Variants in GRIA1 observed in about 807,000 individuals in gnomAD.
The protein encoded by GRIA1 is glutamate receptor 1.
In GRIA1, 31 loss-of-function variants were observed where a neutral mutation model predicts 99.2. The observed-to-expected ratio is 0.31, with a 90% CI of 0.23 to 0.42. GRIA1 has a LOEUF of 0.42. GRIA1 is among the 10% of genes least tolerant of loss of function. The pLI, the probability that GRIA1 is intolerant of heterozygous loss-of-function variation, is 1.00. For synonymous variants in GRIA1, 438 were observed against 432.4 expected, an observed-to-expected ratio of 1.01 and a Z score of -0.16; for missense variants, 782 against 1,157.5, an observed-to-expected ratio of 0.68 and a Z score of 4.71.
intron 15 of GRIA1, among the ~76,000 whole-genome samples, chr5:153,804,083 C>A (rs1298195954): frequency 6.6e-6 from 1 of 152,106 alleles, no homozygotes; most frequent in African/African-American, 2.4e-5. Flanking sequence ...TTTTTATGGG[C>A]CGATCCCTCA....
At chr5:153,690,154 ATCC>A (rs1757642392) in intron 8 of GRIA1, among the ~76,000 whole-genome samples, 1 of 152,076 alleles carries the variant, frequency 6.6e-6, no homozygotes, top group South Asian at 2.1e-4. Context: ...ACCTTCTTGA[ATCC>A]TCCTCTCCAA....
intron 13 of GRIA1, among the ~76,000 whole-genome samples, chr5:153,789,318 C>CATATATATATATATATAT (rs70978507): frequency 4.7e-5 from 7 of 147,484 alleles, no homozygotes; most frequent in African/African-American, 1.5e-4. Context: ...TTTGATATTA[C>CATATATATATATATATAT]ATATATATAT....
chr5:153,515,741 G>T (rs1032152471), intron 2 of GRIA1, among the ~76,000 whole-genome samples: 3 of 152,120 alleles, frequency 2.0e-5, no homozygotes, highest in Non-Finnish European at 4.4e-5. Context: ...GATATTATTT[G>T]TCAATTAAAA....
chr5:153,496,031 C>T (rs1561584629), intron 2 of GRIA1, among the ~76,000 whole-genome samples: 1 of 152,204 alleles, frequency 6.6e-6, no homozygotes, highest in East Asian at 1.9e-4. Flanking sequence ...GAAATATCTA[C>T]AGCAGGTTTT....
At chr5:153,712,951 C>G (rs1277114841) in intron 11 of GRIA1, among the ~76,000 whole-genome samples, 3 of 152,216 alleles carry the variant, frequency 2.0e-5, no homozygotes, top group Non-Finnish European at 1.5e-5. Context: ...CCTCCCCACC[C>G]ACTTCTGCCC....
intron 2 of GRIA1, among the ~76,000 whole-genome samples, chr5:153,523,285 C>A (rs1414272400): frequency 1.3e-5 from 2 of 152,126 alleles, no homozygotes; most frequent in African/African-American, 4.8e-5. Flanking sequence ...ACATTCCTAC[C>A]CCATCCCTTG....
rs759117420 is a variant in GRIA1, at chr5:153,698,985, G to A, written c.1364G>A (p.Arg455His). Residue 455 changes from arginine (R) to histidine (H), a missense_variant, in exon 10 of 16, where the codon CGT (arginine) becomes CAT (histidine). Around this residue, in one of 5 missense-constraint regions of GRIA1, gnomAD observed 87 missense variants for 184.5 expected, o/e 0.47. Coordinates refer to ENST00000285900, the MANE Select transcript of GRIA1 (RefSeq NM_000827.4). ...GCCAAGCACGTGGGCTACTCCTACC[G>A]TCTGGAGATTGTCAGTGATGGAAAA... ...EIAKHVGYSY[R>H]LEIVSDGKYG... The A allele has an allele frequency of 2.5e-5, 41 of 1,613,766 alleles. No individual in the cohort carries two copies. The highest frequency in any genetic ancestry group is 4.0e-5 in the African/African-American group (3 of 74,898).
chr5:153,728,416 C>T (rs545106988), intron 11 of GRIA1, among the ~76,000 whole-genome samples: 3 of 144,036 alleles, frequency 2.1e-5, no homozygotes, highest in Non-Finnish European at 4.5e-5. Context: ...TTCTGCACAG[C>T]AAAAGAAACT....
chr5:153,734,950 T>G (rs941168134), intron 11 of GRIA1, among the ~76,000 whole-genome samples: 7 of 152,108 alleles, frequency 4.6e-5, no homozygotes, highest in African/African-American at 1.7e-4. Flanking sequence ...TCTAACTTAG[T>G]GGTTCTCAAC....
At chr5:153,508,991 T>C (rs1025119260) in intron 2 of GRIA1, among the ~76,000 whole-genome samples, 2 of 152,178 alleles carry the variant, frequency 1.3e-5, no homozygotes, top group African/African-American at 4.8e-5. Context: ...CTAAGCTTTA[T>C]CATGCAAATA....
intron 2 of GRIA1, among the ~76,000 whole-genome samples, chr5:153,614,382 C>T (rs1332189191): frequency 6.6e-6 from 1 of 152,162 alleles, no homozygotes; most frequent in East Asian, 1.9e-4. Context: ...TATCTAACAT[C>T]TGTTAAAAAC....
intron 7 of GRIA1, among the ~76,000 whole-genome samples, chr5:153,685,248 A>ACTCAGACTAGCTGTGTCT (rs1757260977): frequency 6.6e-6 from 1 of 152,194 alleles, no homozygotes; most frequent in Admixed American, 6.5e-5. Context: ...ACCTGAGCTG[A>ACTCAGACTAGCTGTGTCT]TGATACACAG....
intron 2 of GRIA1, among the ~76,000 whole-genome samples, chr5:153,592,767 GT>G (rs1764080724): frequency 6.6e-6 from 1 of 152,156 alleles, no homozygotes. Context: ...AACAAAAGAT[GT>G]TTATTTCTCA....
At chr5:153,709,674 T>C (rs1381406383) in intron 11 of GRIA1, among the ~76,000 whole-genome samples, 1 of 152,230 alleles carries the variant, frequency 6.6e-6, no homozygotes, top group East Asian at 1.9e-4. Flanking sequence ...GGTTCCCAAA[T>C]ATTGTGTCCA....
chr5:153,604,499 G>C (rs994932910), intron 2 of GRIA1, among the ~76,000 whole-genome samples: 1 of 152,076 alleles, frequency 6.6e-6, no homozygotes, highest in African/African-American at 2.4e-5. Context: ...AAACTATATA[G>C]CACACTGTTT....
chr5:153,652,335 A>AT (rs1346935125), intron 4 of GRIA1, among the ~76,000 whole-genome samples: 3 of 152,268 alleles, frequency 2.0e-5, no homozygotes, highest in South Asian at 4.1e-4. Context: ...TATTACTACT[A>AT]TTTTTTTAGT....
intron 2 of GRIA1, chr5:153,494,384 G>C (rs530055621): frequency 1.6e-4 from 44 of 283,860 alleles, no homozygotes; most frequent in Non-Finnish European, 2.5e-4. Context: ...TTACACATAC[G>C]AATCTTCTGA....
intron 12 of GRIA1, among the ~76,000 whole-genome samples, chr5:153,768,494 G>A (rs997984975): frequency 6.6e-5 from 10 of 152,166 alleles, no homozygotes; most frequent in African/African-American, 1.9e-4. Context: ...ATTGTAAACC[G>A]GACTGTAAAA....
At chr5:153,638,310 T>G (rs192863721) in intron 2 of GRIA1, among the ~76,000 whole-genome samples, 123 of 152,370 alleles carry the variant, frequency 8.1e-4, no homozygotes, top group African/African-American at 2.9e-3. Flanking sequence ...TATTTAATAC[T>G]CAGTGTTTAG....
Sources: gnomAD v4.1 joint callset for allele counts (sites outside exome capture counted in the v4.1 genomes callset) on GRCh38, gnomAD v4.1.1 for gene constraint, gnomAD v4.1.1 regional missense constraint, MANE v1.5 for transcripts, NCBI Gene and HGNC (gene_info 2026-07-23, HGNC 2026-07-21) for gene names.